The following FBLN5 variants were observed in gnomAD, a reference collection of about 807,000 sequenced individuals.
FBLN5 encodes fibulin-5.
A neutral mutation model predicts 61.6 loss-of-function variants in FBLN5; 24 were observed. The ratio of observed to expected loss-of-function variants is 0.39; its 90% CI spans 0.28 to 0.55. The LOEUF is 0.55. Among genes scored for constraint, FBLN5 ranks in the 20% least tolerant of loss-of-function variants. The probability of loss-of-function intolerance (pLI) is 0.65; values close to 1 mark genes in which losing one functional copy is unlikely to be tolerated. For synonymous variants in FBLN5, 213 were observed against 219.8 expected, an observed-to-expected ratio of 0.97 and a Z score of 0.27; for missense variants, 470 against 594.1, an observed-to-expected ratio of 0.79 and a Z score of 2.17.
intron 10 of FBLN5, among the ~76,000 whole-genome samples, chr14:91,872,643 G>A (rs764492114): frequency 1.3e-5 from 2 of 152,210 alleles, no homozygotes; most frequent in Non-Finnish European, 2.9e-5. Flanking sequence ...CTATCCATGA[G>A]GCTATCGGCA....
At position 91,934,597 on chromosome 14, in the gene FBLN5, TAG is replaced by T. The variant is rs1389298701; in HGVS notation, c.379+2348_379+2349del. On this transcript the variant is annotated intron_variant, in intron 4 of 10. Transcript: ENST00000342058. Reference sequence around the variant, plus strand: ...CCTTTGGAGATGTTTCCTCCTCTCCTAGAACACTAAAGTTTCAGAAATGTTTC... The same window carrying T: ...CCTTTGGAGATGTTTCCTCCTCTCCTAACACTAAAGTTTCAGAAATGTTTC... 2.0e-5 allele frequency among the ~76,000 whole-genome samples: 3 copies of T among 152,324 alleles called. No individual in the cohort carries two copies. In the East Asian group the frequency reaches 5.8e-4, roughly 29 times the overall value.
At chr14:91,914,886 G>A (rs1891123233) in intron 4 of FBLN5, among the ~76,000 whole-genome samples, 1 of 151,672 alleles carries the variant, frequency 6.6e-6, no homozygotes, top group Non-Finnish European at 1.5e-5. Context: ...AAGGCTGGGT[G>A]CAGTGACTCA....
intron 10 of FBLN5, among the ~76,000 whole-genome samples, chr14:91,876,457 C>T (rs1275721138): frequency 6.6e-6 from 1 of 152,076 alleles, no homozygotes; most frequent in South Asian, 2.1e-4. Context: ...GAACCCGTTC[C>T]GTTATAAGGA....
At chr14:91,907,247 C>A (rs1475542487) in intron 4 of FBLN5, among the ~76,000 whole-genome samples, 1 of 152,194 alleles carries the variant, frequency 6.6e-6, no homozygotes, top group Non-Finnish European at 1.5e-5. Context: ...CCCTTCTCTC[C>A]TCCTTCTAGT....
intron 10 of FBLN5, 109 bp from the exon 11 acceptor site, chr14:91,870,494 G>T: frequency 1.9e-6 from 2 of 1,053,622 alleles, no homozygotes; most frequent in African/African-American, 1.6e-5. Flanking sequence ...CCCCCTCGGT[G>T]CCTCAACTGT....
intron 7 of FBLN5, among the ~76,000 whole-genome samples, chr14:91,885,764 C>T (rs947126475): frequency 4.6e-5 from 7 of 152,188 alleles, no homozygotes; most frequent in African/African-American, 1.7e-4. Flanking sequence ...GGGCAATAAA[C>T]GTCTGCGGAT....
intron 4 of FBLN5, among the ~76,000 whole-genome samples, chr14:91,907,453 C>A (rs1005154937): frequency 6.6e-6 from 1 of 152,106 alleles, no homozygotes; most frequent in Non-Finnish European, 1.5e-5. Context: ...TACCCTAATA[C>A]AAATGAGTAG....
At chr14:91,910,510 C>T (rs151190128) in intron 4 of FBLN5, among the ~76,000 whole-genome samples, 3 of 152,202 alleles carry the variant, frequency 2.0e-5, no homozygotes, top group Non-Finnish European at 4.4e-5. Flanking sequence ...TAATACATTT[C>T]TTGTTACGCA....
chr14:91,947,118 C>T lies in FBLN5; in HGVS notation c.17+95G>A, dbSNP rs2056197247. 2 of 1,581,286 alleles carry T rather than the reference C, an allele frequency of 1.3e-6. No homozygotes were observed. The highest frequency in any genetic ancestry group is 1.1e-5 in the South Asian group (1 of 89,200). ...CATGCCTTTTCCAATATCCTGACAC[C>T]GCCTGAATCGCAGCCATAACCATTT... On this transcript the variant is annotated intron_variant, in intron 1 of 10. Coordinates refer to ENST00000342058, the MANE Select transcript of FBLN5 (RefSeq NM_006329.4). This position sits in a 1 kb window ranked among gnomAD's most constrained non-coding sequence, Gnocchi z 4.3.
chr14:91,902,599 T>C (rs1321379891), intron 4 of FBLN5, among the ~76,000 whole-genome samples: 1 of 152,230 alleles, frequency 6.6e-6, no homozygotes, highest in Non-Finnish European at 1.5e-5. Flanking sequence ...CAAACTTTAA[T>C]ATGCGTATGA....
chr14:91,936,788 T>C (rs1347905067), intron 4 of FBLN5, among the ~76,000 whole-genome samples, 159 bp downstream of exon 4: 3 of 152,186 alleles, frequency 2.0e-5, no homozygotes, highest in Non-Finnish European at 4.4e-5. Flanking sequence ...AACCCAGAGA[T>C]ACAGGCTGCT....
Position 91,936,966 on chromosome 14 carries a change from A to G in FBLN5, c.360T>C (p.Asp120=). The G allele has an allele frequency of 1.2e-6, 2 of 1,614,166 alleles. No homozygotes were observed. Among genetic ancestry groups the G allele is most frequent in the Non-Finnish European group, 1.7e-6 (2 of 1,180,030 alleles). The change falls in exon 4 of 11, where the codon GAT becomes GAC. Residue 120 remains aspartate (D), a synonymous_variant. Transcript: ENST00000342058. ...PLICRFGYQM[D]ESNQCVDVDE... ...ACTCACCCACACATTGGTTGCTTTC[A>G]TCCATCTGGTATCCAAAGCGGCATA...
intron 4 of FBLN5, among the ~76,000 whole-genome samples, chr14:91,922,618 T>C (rs2055759718): frequency 6.6e-6 from 1 of 152,180 alleles, no homozygotes; most frequent in Non-Finnish European, 1.5e-5. Flanking sequence ...GAGACAATCC[T>C]GGAAAAAGGA....
chr14:91,884,821 T>A lies in FBLN5; in HGVS notation c.740-1745A>T, dbSNP rs189040003. ...ACTCCCACTGGGCAGGGAGGGGCTG[T>A]AACAGACCCTACTCGGTTTATCTTT... On this transcript the variant is annotated intron_variant, in intron 7 of 10. Transcript: ENST00000342058. 7.7e-4 allele frequency among the ~76,000 whole-genome samples: 117 copies of A among 152,342 alleles called. 1 individual carries two copies. The highest frequency in any genetic ancestry group is 2.7e-3 in the African/African-American group (112 of 41,582).
intron 4 of FBLN5, among the ~76,000 whole-genome samples, chr14:91,915,652 A>G (rs1332939960): frequency 3.0e-5 from 4 of 131,662 alleles, no homozygotes; most frequent in African/African-American, 1.2e-4. Flanking sequence ...ACGCCACTGC[A>G]CTCCAGCCTG....
chr14:91,946,581 C>G (rs1418527642), intron 1 of FBLN5: 2 of 737,144 alleles, frequency 2.7e-6, no homozygotes, highest in Non-Finnish European at 4.6e-6. Context: ...TTAATTTGTT[C>G]AAAGCAGTAT....
intron 3 of FBLN5, 24 bp downstream of exon 3, chr14:91,940,541 T>G: frequency 6.2e-7 from 1 of 1,607,512 alleles, no homozygotes; most frequent in Non-Finnish European, 8.5e-7. Flanking sequence ...TCCACCCCAA[T>G]GAAGGATCCA....
rs1220658793 is a variant in FBLN5, at chr14:91,869,442, T to C, written c.*782A>G. 1.3e-5 allele frequency: 2 copies of C among 152,408 alleles called. No individual in the cohort carries two copies. The highest frequency in any genetic ancestry group is 2.4e-5 in the African/African-American group (1 of 41,420). 9.4% of individuals were successfully genotyped at this position (152,408 alleles called of 1,614,324 possible). ...CAAATATTTAATCAGTTTGGAGACCTCTGCATTCCAATCCAATTGGGTAAA... is the reference window on the plus strand; with the variant it reads ...CAAATATTTAATCAGTTTGGAGACCCCTGCATTCCAATCCAATTGGGTAAA... On this transcript the variant is annotated 3_prime_UTR_variant, in exon 11 of 11. Coordinates refer to ENST00000342058, the MANE Select transcript of FBLN5 (RefSeq NM_006329.4).
intron 4 of FBLN5, among the ~76,000 whole-genome samples, chr14:91,904,819 G>C (rs1463096464): frequency 6.6e-6 from 1 of 152,200 alleles, no homozygotes; most frequent in African/African-American, 2.4e-5. Context: ...ATGGATTTGG[G>C]GGGATACAAA....
Sources: allele counts gnomAD v4.1 joint callset (sites outside exome capture counted in the v4.1 genomes callset), GRCh38; gene constraint gnomAD v4.1.1; non-coding constraint Gnocchi (gnomAD v3.1); transcripts MANE v1.5; gene names NCBI Gene and HGNC (gene_info 2026-07-23, HGNC 2026-07-21).